Variants in TMEM132D observed in about 807,000 individuals in gnomAD.
The protein encoded by TMEM132D is mature OL transmembrane protein.
TMEM132D carries 21 observed loss-of-function variants against 62.3 expected under a neutral mutation model. That is an observed-to-expected ratio of 0.34 (90% confidence interval 0.24 to 0.49). The LOEUF (loss-of-function observed/expected upper bound fraction) is 0.49. Among genes scored for constraint, TMEM132D ranks in the 20% least tolerant of loss-of-function variants. The probability of loss-of-function intolerance (pLI) is 0.99; values close to 1 mark genes in which losing one functional copy is unlikely to be tolerated. For missense variants in TMEM132D, 1,346 were observed against 1,402.8 expected (o/e 0.96, Z 0.65); for synonymous variants, 621 against 575.6 (o/e 1.08, Z -1.13).
At chr12:129,743,905 G>A (rs1486652333) in intron 1 of TMEM132D, among the ~76,000 whole-genome samples, 5 of 152,214 alleles carry the variant, frequency 3.3e-5, no homozygotes, top group Non-Finnish European at 7.3e-5. Flanking sequence ...AAGACACACA[G>A]CTCTGCCTAT....
chr12:129,473,215 G>A (rs765211953), intron 3 of TMEM132D, among the ~76,000 whole-genome samples: 2 of 151,768 alleles, frequency 1.3e-5, no homozygotes, highest in Admixed American at 1.3e-4. Context: ...ACCACCACCC[G>A]GATCAGTCAG....
intron 2 of TMEM132D, among the ~76,000 whole-genome samples, chr12:129,611,740 T>C (rs568954363): frequency 1.3e-5 from 2 of 152,298 alleles, no homozygotes; most frequent in African/African-American, 4.8e-5. Context: ...AATTCATCAT[T>C]GATGCTCACA....
intron 2 of TMEM132D, among the ~76,000 whole-genome samples, chr12:129,689,608 T>G (rs1429659253): frequency 6.6e-6 from 1 of 152,230 alleles, no homozygotes; most frequent in African/African-American, 2.4e-5. Flanking sequence ...TCTTGCACCT[T>G]TGATTTAGGG....
At chr12:129,630,009 A>G (rs1490667506) in intron 2 of TMEM132D, among the ~76,000 whole-genome samples, 3 of 152,244 alleles carry the variant, frequency 2.0e-5, no homozygotes, top group African/African-American at 7.2e-5. Flanking sequence ...AAGTTGATTC[A>G]TATCTGCTGG....
intron 1 of TMEM132D, among the ~76,000 whole-genome samples, chr12:129,800,856 G>A (rs373899276): frequency 1.4e-3 from 216 of 152,224 alleles, no homozygotes; most frequent in Admixed American, 3.6e-3. Flanking sequence ...CAGTGGGTGC[G>A]CGCACCGTGC....
chr12:129,622,735 A>C (rs183447078), intron 2 of TMEM132D, among the ~76,000 whole-genome samples: 1 of 152,190 alleles, frequency 6.6e-6, no homozygotes, highest in Non-Finnish European at 1.5e-5. Flanking sequence ...TGTGGTCCCA[A>C]AGGGGCTGTC....
chr12:129,845,347 GTCTT>G (rs1873329200), intron 1 of TMEM132D, among the ~76,000 whole-genome samples: 1 of 152,104 alleles, frequency 6.6e-6, no homozygotes, highest in Non-Finnish European at 1.5e-5. Context: ...AAACCTGAAT[GTCTT>G]TCTTTGTGCC....
chr12:129,816,274 C>G (rs1347849574), intron 1 of TMEM132D, among the ~76,000 whole-genome samples: 1 of 152,080 alleles, frequency 6.6e-6, no homozygotes, highest in African/African-American at 2.4e-5. Context: ...TGTATAAAAA[C>G]TTCAACATCT....
chr12:129,602,383 T>C (rs1483263232), intron 2 of TMEM132D, among the ~76,000 whole-genome samples: 2 of 151,812 alleles, frequency 1.3e-5, no homozygotes, highest in South Asian at 2.1e-4. Flanking sequence ...CTAAAGCAGA[T>C]AGAAATGTTG....
chr12:129,638,340 G>A lies in TMEM132D; in HGVS notation c.968+61470C>T, dbSNP rs155713. On this transcript the variant is annotated intron_variant, in intron 2 of 8. Coordinates refer to ENST00000422113, the MANE Select transcript of TMEM132D (RefSeq NM_133448.3). ...TTACCCCCAAATTATGTGACACATC[G>A]GAGGGTAAGACAGACATTCTTCTAG... 3.9e-3 allele frequency among the ~76,000 whole-genome samples: 591 copies of A among 152,008 alleles called. 5 individuals are homozygous for A. The highest frequency in any genetic ancestry group is 0.013 in the African/African-American group (545 of 41,448).
chr12:129,133,348 T>C (rs2135526046), intron 5 of TMEM132D, among the ~76,000 whole-genome samples: 1 of 152,344 alleles, frequency 6.6e-6, no homozygotes. Flanking sequence ...AGATCAAATG[T>C]CCATCAGTAG....
At chr12:129,592,835 C>A (rs1304257790) in intron 2 of TMEM132D, among the ~76,000 whole-genome samples, 1 of 150,538 alleles carries the variant, frequency 6.6e-6, no homozygotes, top group African/African-American at 2.5e-5. Flanking sequence ...ACAAAGGACA[C>A]AGCTCCGAAG....
intron 1 of TMEM132D, among the ~76,000 whole-genome samples, chr12:129,771,084 A>G (rs1003749284): frequency 3.9e-5 from 6 of 152,024 alleles, no homozygotes; most frequent in Non-Finnish European, 7.4e-5. Flanking sequence ...TGCAGCCCGC[A>G]CTCGGGCTCC....
At chr12:129,483,193 T>C (rs981741750) in intron 3 of TMEM132D, among the ~76,000 whole-genome samples, 1 of 152,242 alleles carries the variant, frequency 6.6e-6, no homozygotes, top group African/African-American at 2.4e-5. Context: ...ACAGTCTGCA[T>C]GTCTGATAGA....
At chr12:129,298,467 A>C (rs1881629585) in intron 4 of TMEM132D, among the ~76,000 whole-genome samples, 1 of 152,198 alleles carries the variant, frequency 6.6e-6, no homozygotes, top group Non-Finnish European at 1.5e-5. Flanking sequence ...TGGTCAAAAC[A>C]TTCAAAAGCT....
At chr12:129,522,445 C>T (rs1428076008) in intron 3 of TMEM132D, 2 of 151,984 alleles carry the variant, frequency 1.3e-5, no homozygotes, top group African/African-American at 4.8e-5. Context: ...TTCCCCAGGA[C>T]TTCAAGCCAC....
At chr12:129,276,336 T>C (rs1315439801) in intron 4 of TMEM132D, among the ~76,000 whole-genome samples, 4 of 152,232 alleles carry the variant, frequency 2.6e-5, no homozygotes, top group Non-Finnish European at 5.9e-5. Flanking sequence ...CTCTGAACGT[T>C]ATACTGTCAA....
rs181609157 is a variant in TMEM132D at position 129,092,993 on chromosome 12, T to G, written c.1444-8291A>C. Among the ~76,000 whole-genome samples, 13 of 152,344 alleles carry G rather than the reference T, an allele frequency of 8.5e-5. 1 individual carries two copies. The highest frequency in any genetic ancestry group is 2.6e-4 in the Admixed American group (4 of 15,296). ...TCCCTAACTCAGGTATATTTGTTAA[T>G]GAACAACACACCCTTTTCTGTCAAG... On this transcript the variant is annotated intron_variant, in intron 5 of 8. Transcript: ENST00000422113.
At chr12:129,476,147 G>A (rs958106336) in intron 3 of TMEM132D, among the ~76,000 whole-genome samples, 39 of 152,130 alleles carry the variant, frequency 2.6e-4, no homozygotes, top group African/African-American at 9.2e-4. Flanking sequence ...TTGGCAACAC[G>A]CAGCAAATGT....
Sources: gnomAD v4.1 joint callset for allele counts (sites outside exome capture counted in the v4.1 genomes callset) on GRCh38, gnomAD v4.1.1 for gene constraint, MANE v1.5 for transcripts, NCBI Gene and HGNC (gene_info 2026-07-23, HGNC 2026-07-21) for gene names.